MTUS2: variants seen among roughly 807,000 people sequenced by gnomAD.
The protein encoded by MTUS2 is microtubule associated scaffold protein 2, also known as microtubule-associated tumor suppressor candidate 2.
In MTUS2, 40 loss-of-function variants were observed where a neutral mutation model predicts 114.1. The ratio of observed to expected loss-of-function variants is 0.35; its 90% CI spans 0.27 to 0.46. The LOEUF (loss-of-function observed/expected upper bound fraction) is 0.46, where lower values mean the gene tolerates loss of function less well. Ranked by LOEUF, MTUS2 falls within the 20% of genes least tolerant of loss-of-function variation. The probability of loss-of-function intolerance (pLI) is 1.00; values close to 1 mark genes in which losing one functional copy is unlikely to be tolerated. For synonymous variants in MTUS2, 688 were observed against 672.0 expected (o/e 1.02, Z -0.37); for missense variants, 1,679 against 1,705.4 (o/e 0.98, Z 0.27).
intron 2 of MTUS2, among the ~76,000 whole-genome samples, chr13:28,859,506 T>G (rs1876841055): frequency 6.6e-6 from 1 of 152,216 alleles, no homozygotes; most frequent in African/African-American, 2.4e-5. Flanking sequence ...AGGCATGTGC[T>G]GGCTGCTTAG....
rs746621955 is a variant in MTUS2, at chr13:29,034,085, C to G, written c.2406C>G (p.Pro802=). ...SSASAIHPPG[P]ITTATSLYSS... ...CGAGCGCCATCCACCCACCAGGACC[C>G]ATAACAACAGCCACCAGTCTCTACA... is the stretch of plus-strand genomic sequence containing the variant. The change falls in exon 4 of 16, where the codon CCC becomes CCG. Residue 802 remains proline (P), a synonymous_variant. Transcript: ENST00000612955. 17 of 1,613,878 alleles carry G rather than the reference C, an allele frequency of 1.1e-5. No homozygotes were observed. The highest frequency in any genetic ancestry group is 1.4e-5 in the Non-Finnish European group (16 of 1,179,900).
intron 2 of MTUS2, among the ~76,000 whole-genome samples, chr13:28,880,015 CAA>C (rs1391504046): frequency 2.0e-5 from 3 of 152,176 alleles, no homozygotes; most frequent in Non-Finnish European, 2.9e-5. Context: ...TGAGAGAAGA[CAA>C]GAGATTCAGC....
At chr13:29,044,493 G>GT (rs1268631218) in intron 4 of MTUS2, among the ~76,000 whole-genome samples, 1 of 152,026 alleles carries the variant, frequency 6.6e-6, no homozygotes, top group Non-Finnish European at 1.5e-5. Context: ...AATTTAGGGT[G>GT]TTTTGCCCAT....
At position 28,881,902 on chromosome 13, in the gene MTUS2, GC is replaced by G. The variant is rs1878312021; in HGVS notation, c.-243+42054del. 2.6e-5 allele frequency among the ~76,000 whole-genome samples: 4 copies of G among 152,292 alleles called. No individual in the cohort carries two copies. The South Asian group carries it at 8.3e-4, about 32-fold the overall frequency. ...AACAGAATAGAAAGTCTAGAAATGA[GC>G]CTACATATTTATGGCCAATTGGTTT... On this transcript the variant is annotated intron_variant, in intron 2 of 15. Transcript: ENST00000612955.
chr13:29,491,619 GTGTA>G (rs1488256044), intron 11 of MTUS2, among the ~76,000 whole-genome samples: 4 of 149,850 alleles, frequency 2.7e-5, no homozygotes, highest in East Asian at 2.0e-4. Context: ...CATATAGTGT[GTGTA>G]TGTGATTAGT....
intron 5 of MTUS2, among the ~76,000 whole-genome samples, chr13:29,226,900 G>C (rs1002440554): frequency 6.6e-5 from 10 of 152,208 alleles, no homozygotes; most frequent in African/African-American, 2.4e-4. Flanking sequence ...AGTGATTACA[G>C]GTTTCAGAAT....
In MTUS2 at chr13:29,257,205, A is replaced by G. The variant is rs145126769; in HGVS notation, c.2645-24499A>G. Among the ~76,000 whole-genome samples, 732 of 152,288 alleles carry G rather than the reference A, an allele frequency of 4.8e-3. 7 individuals are homozygous for G. The highest frequency in any genetic ancestry group is 7.7e-3 in the Non-Finnish European group (527 of 68,016). On this transcript the variant is annotated intron_variant, in intron 5 of 15. Coordinates refer to ENST00000612955, the MANE Select transcript of MTUS2 (RefSeq NM_001033602.4). ...CTACAGCCCTAGTCATCTTTCCAAA[A>G]TGTACACATAACCATGTCAGTCCTT...
intron 5 of MTUS2, among the ~76,000 whole-genome samples, chr13:29,145,434 T>C (rs941771752): frequency 2.0e-5 from 3 of 152,076 alleles, no homozygotes; most frequent in Admixed American, 6.6e-5. Flanking sequence ...GCAGGAGAAT[T>C]GCTCAAACCC....
At chr13:29,318,056 C>T (rs1593296435) in intron 6 of MTUS2, among the ~76,000 whole-genome samples, 2 of 152,158 alleles carry the variant, frequency 1.3e-5, no homozygotes, top group African/African-American at 2.4e-5. Flanking sequence ...ATCTGTGGGG[C>T]CAGGGCAGGG....
intron 6 of MTUS2, among the ~76,000 whole-genome samples, chr13:29,292,748 G>T (rs1377600578): frequency 6.6e-6 from 1 of 151,994 alleles, no homozygotes; most frequent in African/African-American, 2.4e-5. Flanking sequence ...TTTCGGAAAA[G>T]ATCCAGTGTA....
chr13:29,299,454 T>G (rs1324346557), intron 6 of MTUS2, among the ~76,000 whole-genome samples: 1 of 152,240 alleles, frequency 6.6e-6, no homozygotes, highest in Non-Finnish European at 1.5e-5. Flanking sequence ...GACACAGTCC[T>G]TGTCCCTGTG....
At chr13:29,168,888 C>CTGTGTGTGTGTGTGTGTGTGTG (rs57636866) in intron 5 of MTUS2, among the ~76,000 whole-genome samples, 9,897 of 138,314 alleles carry the variant, frequency 0.072, 510 homozygotes, top group Non-Finnish European at 0.093. Flanking sequence ...CTTTATGAAT[C>CTGTGTGTGTGTGTGTGTGTGTG]TGTGTGTGTG....
At chr13:29,336,223 CT>C (rs1459950941) in intron 7 of MTUS2, among the ~76,000 whole-genome samples, 1 of 152,180 alleles carries the variant, frequency 6.6e-6, no homozygotes, top group African/African-American at 2.4e-5. Flanking sequence ...AAAAGGCATT[CT>C]GGTTTTTGGA....
chr13:29,075,617 C>T (rs183207713), intron 4 of MTUS2, among the ~76,000 whole-genome samples: 7 of 152,270 alleles, frequency 4.6e-5, no homozygotes, highest in Admixed American at 2.0e-4. Context: ...CAAAATAAAG[C>T]CTTTCTCTAC....
chr13:28,886,944 G>C lies in MTUS2; in HGVS notation c.-243+47094G>C, dbSNP rs1385297581. ...TTTGAAGCGCCTGTAGGGCTTGGCA[G>C]GTTGGAGCGCTAGGAGGCCAGTGTC... is the stretch of plus-strand genomic sequence containing the variant. On this transcript the variant is annotated intron_variant, in intron 2 of 15. Coordinates refer to ENST00000612955, the MANE Select transcript of MTUS2 (RefSeq NM_001033602.4). 4.6e-5 allele frequency among the ~76,000 whole-genome samples: 7 copies of C among 152,226 alleles called. No individual in the cohort carries two copies. The East Asian group carries it at 1.3e-3, about 29-fold the overall frequency.
At chr13:29,081,252 A>T (rs1889428022) in intron 4 of MTUS2, among the ~76,000 whole-genome samples, 1 of 152,138 alleles carries the variant, frequency 6.6e-6, no homozygotes, top group Non-Finnish European at 1.5e-5. Flanking sequence ...AGGCTTTGTG[A>T]TCAGTCCAGA....
chr13:29,368,777 T>C (rs1593358497), intron 8 of MTUS2, among the ~76,000 whole-genome samples: 1 of 152,278 alleles, frequency 6.6e-6, no homozygotes, highest in East Asian at 1.9e-4. Flanking sequence ...GAGGTGTAGA[T>C]GTCAGGAGAG....
intron 12 of MTUS2, 99 bp downstream of exon 12, chr13:29,492,818 C>T: frequency 2.2e-6 from 2 of 906,872 alleles, no homozygotes; most frequent in Non-Finnish European, 3.5e-6. Flanking sequence ...TGTACTAAAT[C>T]CTGTACTAAA....
chr13:29,385,642 C>T (rs956256589), intron 8 of MTUS2, among the ~76,000 whole-genome samples: 1 of 134,380 alleles, frequency 7.4e-6, no homozygotes, highest in Non-Finnish European at 1.6e-5. Flanking sequence ...GCCCTTCCTT[C>T]CTGGTTGTTG....
Sources: allele counts gnomAD v4.1 joint callset (sites outside exome capture counted in the v4.1 genomes callset), GRCh38; gene constraint gnomAD v4.1.1; transcripts MANE v1.5; gene names NCBI Gene and HGNC (gene_info 2026-07-23, HGNC 2026-07-21).